Variants in IGHMBP2 observed in about 807,000 individuals in gnomAD.
IGHMBP2 encodes DNA-binding protein SMUBP-2.
In IGHMBP2, 81 loss-of-function variants were observed where a neutral mutation model predicts 96.0. The ratio of observed to expected loss-of-function variants is 0.84; its 90% CI spans 0.71 to 1.01. The LOEUF is 1.01. Ranked by LOEUF, IGHMBP2 falls within the 50% of genes least tolerant of loss-of-function variation. IGHMBP2 has a pLI of 0.00. For synonymous variants in IGHMBP2, 557 were observed against 548.9 expected (o/e 1.01, Z -0.21); for missense variants, 1,227 against 1,306.3 (o/e 0.94, Z 0.94).
At chr11:68,904,153 G>A in intron 1 of IGHMBP2, 115 bp downstream of exon 1, 2 of 869,976 alleles carry the variant, frequency 2.3e-6, no homozygotes, top group Non-Finnish European at 3.8e-6. Flanking sequence ...CCGACCCTTC[G>A]AGTCAGGGGC....
In IGHMBP2 at chr11:68,937,086, C is replaced by T. The variant is rs1353012889; in HGVS notation, c.2606C>T (p.Ala869Val). The T allele has an allele frequency of 3.1e-6, 5 of 1,597,556 alleles. No individual in the cohort carries two copies. The highest frequency in any genetic ancestry group is 4.2e-6 in the Non-Finnish European group (5 of 1,179,802). Reference sequence around the variant, plus strand: ...CTTCCAGAAAAGAAAAAGAAAAAAGCCAAAGGTAAGTCAACTAATAAGAAC... The same window carrying T: ...CTTCCAGAAAAGAAAAAGAAAAAAGTCAAAGGTAAGTCAACTAATAAGAAC... ...QKLPEKKKKKAKGHPATDLPT... is the reference protein window; with the variant it reads ...QKLPEKKKKKVKGHPATDLPT... Residue 869 changes from alanine to valine, a missense_variant, in exon 13 of 15, where the codon GCC becomes GTC. Transcript: ENST00000255078.
At chr11:68,938,447 G>A (rs868327362) in intron 14 of IGHMBP2, 93 bp downstream of exon 14, 18 of 1,149,038 alleles carry the variant, frequency 1.6e-5, no homozygotes, top group African/African-American at 3.1e-5. Flanking sequence ...TGTTCCAGTC[G>A]GAACAGTTAG....
rs757465847 is a variant in IGHMBP2, at chr11:68,917,753, C to A, written c.930C>A (p.Thr310=). Reference sequence around the variant, plus strand: ...CTTTATAGGTGAAAAACAAAAAGACCCAGGATAAGAGAGAGAAAAGTAATT... The same window carrying A: ...CTTTATAGGTGAAAAACAAAAAGACACAGGATAAGAGAGAGAAAAGTAATT... The part of the protein sequence containing the change: ...IDQVFVKNKK[T]QDKREKSNFR... Residue 310 remains threonine (T), a synonymous_variant, in exon 7 of 15, where the codon ACC becomes ACA. Coordinates refer to ENST00000255078, the MANE Select transcript of IGHMBP2 (RefSeq NM_002180.3). The A allele has an allele frequency of 6.2e-7, 1 of 1,612,298 alleles. No homozygotes were observed. The highest frequency in any genetic ancestry group is 2.2e-5 in the East Asian group (1 of 44,868).
chr11:68,930,014 C>T, intron 8 of IGHMBP2: 1 of 1,091,660 alleles, frequency 9.2e-7, no homozygotes, highest in Non-Finnish European at 1.1e-6. Context: ...CCAGCACTCA[C>T]TGCTTCAGCC....
At chr11:68,905,173 G>T (rs1052597127) in intron 1 of IGHMBP2, among the ~76,000 whole-genome samples, 1 of 152,200 alleles carries the variant, frequency 6.6e-6, no homozygotes, top group African/African-American at 2.4e-5. Context: ...TTGCCCCGGG[G>T]TGACACAGTG....
chr11:68,933,583 A>G, intron 9 of IGHMBP2, 102 bp downstream of exon 9: 8 of 1,412,770 alleles, frequency 5.7e-6, no homozygotes, highest in Non-Finnish European at 7.8e-6. Context: ...TTTCTGCATG[A>G]AAGTCGACTC....
intron 6 of IGHMBP2, among the ~76,000 whole-genome samples, chr11:68,916,054 T>G (rs539944): frequency 6.6e-6 from 1 of 151,890 alleles, no homozygotes; most frequent in South Asian, 2.1e-4. Context: ...GGCACCTGTA[T>G]TCCCAGCCAC....
intron 14 of IGHMBP2, 86 bp downstream of exon 14, chr11:68,938,440 T>C: frequency 1.6e-6 from 2 of 1,272,190 alleles, no homozygotes; most frequent in East Asian, 5.1e-5. Flanking sequence ...GCAGACTTGT[T>C]CCAGTCGGAA....
chr11:68,928,638 G>A (rs1008151870), intron 7 of IGHMBP2, among the ~76,000 whole-genome samples: 28 of 152,124 alleles, frequency 1.8e-4, no homozygotes, highest in African/African-American at 6.3e-4. Context: ...TGGGAGGCTC[G>A]CCTGAGGCCC....
chr11:68,911,845 C>T (rs758465334), intron 5 of IGHMBP2, among the ~76,000 whole-genome samples: 33 of 152,216 alleles, frequency 2.2e-4, no homozygotes, highest in Non-Finnish European at 4.4e-4. Context: ...CCCTTTGAGG[C>T]GTGGCAGCCT....
chr11:68,918,516 C>T (rs1223528327), intron 7 of IGHMBP2, among the ~76,000 whole-genome samples: 1 of 151,956 alleles, frequency 6.6e-6, no homozygotes, highest in Non-Finnish European at 1.5e-5. Flanking sequence ...GTGGTATGCA[C>T]CTGTAATTCC....
At chr11:68,908,013 T>TTA in intron 2 of IGHMBP2, 132 bp from the exon 3 acceptor site, 1 of 848,230 alleles carries the variant, frequency 1.2e-6, no homozygotes, top group Non-Finnish European at 2.0e-6. Flanking sequence ...TTTTTTTTTT[T>TTA]AACTGTTACT....
In IGHMBP2 at chr11:68,914,525, T is replaced by G. The variant is rs12420058; in HGVS notation, c.712-298T>G. ...CTAGGGGTGAATGTTTACAGCTCTG[T>G]GAGTTACAGGGTGCTCTCTTAGTTT... On this transcript the variant is annotated intron_variant, in intron 5 of 14. Transcript: ENST00000255078. Among the ~76,000 whole-genome samples the G allele has an allele frequency of 0.17, 26,279 of 152,158 alleles. 2,814 individuals carry two copies. The highest frequency in any genetic ancestry group is 0.25 in the Non-Finnish European group (16,713 of 67,964).
At chr11:68,923,016 C>T (rs1039563951) in intron 7 of IGHMBP2, among the ~76,000 whole-genome samples, 1 of 152,000 alleles carries the variant, frequency 6.6e-6, no homozygotes, top group African/African-American at 2.4e-5. Flanking sequence ...ATATTCTAGA[C>T]TATTATTTCT....
Position 68,914,960 on chromosome 11 carries a change from T to C in IGHMBP2, c.849T>C (p.Val283=), listed in dbSNP as rs1046845478. Residue 283 remains valine, a synonymous_variant, in exon 6 of 15, where the codon GTT becomes GTC. Coordinates refer to ENST00000255078, the MANE Select transcript of IGHMBP2 (RefSeq NM_002180.3). ...ESIQQHSLDA[V]LARSDSAQIV... is the part of the protein sequence containing the mutation. ...TTCAGCAGCACTCCCTGGATGCGGT[T>C]TTAGCGCGGAGCGACAGTGCCCAGA... 4.3e-6 allele frequency: 7 copies of C among 1,613,956 alleles called. No individual in the cohort carries two copies. The African/African-American group carries it at 5.3e-5, about 12-fold the overall frequency.
rs138396245 is a variant in IGHMBP2 at position 68,936,505 on chromosome 11, C to T, written c.2025C>T (p.Thr675=). 1,622 of 1,613,630 alleles carry T rather than the reference C, an allele frequency of 1.0e-3. 11 individuals are homozygous for T. The African/African-American group carries it at 0.019, about 19-fold the overall frequency. The change falls in exon 13 of 15, where the codon ACC becomes ACT. Residue 675 remains threonine, a synonymous_variant. Coordinates refer to ENST00000255078, the MANE Select transcript of IGHMBP2 (RefSeq NM_002180.3). ...KPQGPATSTR[T]GSQRQEGGQE... The stretch of plus-strand genomic sequence containing the variant: ...AGGGACCTGCTACGTCCACCAGGAC[C>T]GGAAGCCAGCGGCAGGAGGGAGGCC...
intron 6 of IGHMBP2, among the ~76,000 whole-genome samples, chr11:68,916,020 A>G (rs1858652761): frequency 6.6e-6 from 1 of 151,898 alleles, no homozygotes; most frequent in Admixed American, 6.6e-5. Flanking sequence ...CTAAAAATAC[A>G]AAAATTAGCT....
At chr11:68,913,632 G>A (rs1858532075) in intron 5 of IGHMBP2, among the ~76,000 whole-genome samples, 1 of 152,132 alleles carries the variant, frequency 6.6e-6, no homozygotes, top group African/African-American at 2.4e-5. Context: ...TAATAGTGGA[G>A]CTGTGGCTGG....
chr11:68,935,553 A>G, intron 12 of IGHMBP2, 131 bp downstream of exon 12: 4 of 1,108,928 alleles, frequency 3.6e-6, no homozygotes, highest in East Asian at 2.4e-5. Flanking sequence ...TTCTGTCCTT[A>G]GTAAGTTCAC....
Sources: allele counts gnomAD v4.1 joint callset (sites outside exome capture counted in the v4.1 genomes callset), GRCh38; gene constraint gnomAD v4.1.1; transcripts MANE v1.5; gene names NCBI Gene and HGNC (gene_info 2026-07-23, HGNC 2026-07-21).